RGS18: variants seen among roughly 807,000 people sequenced by gnomAD.
RGS18 encodes regulator of G protein signaling 18.
A neutral mutation model predicts 27.6 loss-of-function variants in RGS18; 22 were observed. The ratio of observed to expected loss-of-function variants is 0.80; its 90% CI spans 0.57 to 1.14. The LOEUF (loss-of-function observed/expected upper bound fraction) is 1.14, where lower values mean the gene tolerates loss of function less well. Among genes scored for constraint, RGS18 ranks in the 50% most tolerant of loss-of-function variants. The pLI, the probability that RGS18 is intolerant of heterozygous loss-of-function variation, is 0.00. For missense variants in RGS18, 299 were observed against 269.6 expected, an observed-to-expected ratio of 1.11 and a Z score of -0.76; for synonymous variants, 89 against 84.6, an observed-to-expected ratio of 1.05 and a Z score of -0.29.
intron 3 of RGS18, among the ~76,000 whole-genome samples, chr1:192,163,869 A>G (rs1445672082): frequency 7.3e-6 from 1 of 137,442 alleles, no homozygotes; most frequent in African/African-American, 2.7e-5. Flanking sequence ...ATATATATAT[A>G]TTTTTTTTTT....
chr1:192,165,155 C>G (rs1362703393), intron 3 of RGS18, among the ~76,000 whole-genome samples: 3 of 152,140 alleles, frequency 2.0e-5, no homozygotes, highest in Non-Finnish European at 4.4e-5. Context: ...AATGGCCGCT[C>G]TGGGAGTGTC....
intron 3 of RGS18, among the ~76,000 whole-genome samples, chr1:192,177,268 T>C (rs1367273760): frequency 1.3e-5 from 2 of 151,686 alleles, no homozygotes; most frequent in Non-Finnish European, 2.9e-5. Context: ...GTGGATTTTT[T>C]TTTTGCTTTT....
rs772536250 is a variant in RGS18 at position 192,184,510 on chromosome 1, A to G, written c.664A>G (p.Asn222Asp). ...GAGACGATCACGCTCATTTACCTGC[A>G]ATGAATTCCAAGATGTACAATCAGA... is the stretch of plus-strand genomic sequence containing the variant. Reference protein sequence around the residue: ...LRRRSRSFTCNEFQDVQSDVA... With the variant: ...LRRRSRSFTCDEFQDVQSDVA... The change falls in exon 5 of 5, where the codon AAT (asparagine) becomes GAT (aspartate). Residue 222 changes from asparagine to aspartate, a missense_variant. Asn to Asp is a conservative substitution (Grantham distance 23, BLOSUM62 1). Transcript: ENST00000367460. 3 of 1,611,580 alleles carry G rather than the reference A, an allele frequency of 1.9e-6. No homozygotes were observed. Among genetic ancestry groups the G allele is most frequent in the South Asian group, 1.1e-5 (1 of 91,026 alleles).
rs952642641 is a variant in RGS18, at chr1:192,158,495, C to T, written c.-143C>T. The T allele has an allele frequency of 1.5e-6, 1 of 664,318 alleles. No homozygotes were observed. Among genetic ancestry groups the T allele is most frequent in the Non-Finnish European group, 2.2e-6 (1 of 453,626 alleles). The allele number at this position is 664,318 out of a possible 1,614,324, so 41.2% of individuals were successfully genotyped here. On this transcript the variant is annotated 5_prime_UTR_variant, in exon 1 of 5. Transcript: ENST00000367460. ...ATTTCTGCAGAGACAGAAAGAAACG[C>T]AGCTCTTGACTTCTTTTTTGTAAAC...
intron 4 of RGS18, among the ~76,000 whole-genome samples, chr1:192,182,683 T>G (rs900420733): frequency 2.6e-5 from 4 of 151,574 alleles, no homozygotes; most frequent in Non-Finnish European, 5.9e-5. Flanking sequence ...TTTTCAGAGC[T>G]ATTTTCATTC....
chr1:192,164,581 G>A (rs928755448), intron 3 of RGS18, among the ~76,000 whole-genome samples: 2 of 152,048 alleles, frequency 1.3e-5, no homozygotes, highest in African/African-American at 2.4e-5. Context: ...TGCAACAAAT[G>A]TCCCATACCA....
intron 3 of RGS18, among the ~76,000 whole-genome samples, chr1:192,173,192 T>TA (rs938538345): frequency 1.3e-5 from 2 of 151,848 alleles, no homozygotes; most frequent in African/African-American, 4.8e-5. Flanking sequence ...TGTAAACATT[T>TA]AAAAAAATGT....
At position 192,185,669 on chromosome 1, in the gene RGS18, G is replaced by A. The variant is rs745926634; in HGVS notation, c.*1115G>A. On this transcript the variant is annotated 3_prime_UTR_variant, in exon 5 of 5. Transcript: ENST00000367460. ...TGTGTTACATGGTCTGTAAATATTTGTATTTAAAAATGCCATGCATTAGGC... is the reference window on the plus strand; with the variant it reads ...TGTGTTACATGGTCTGTAAATATTTATATTTAAAAATGCCATGCATTAGGC... 7 of 151,488 alleles carry A rather than the reference G, an allele frequency of 4.6e-5. No individual in the cohort carries two copies. The highest frequency in any genetic ancestry group is 1.0e-4 in the Non-Finnish European group (7 of 67,684). The allele number at this position is 151,488 out of a possible 1,614,324, so 9.4% of individuals were successfully genotyped here.
chr1:192,171,121 G>A (rs1382930749), intron 3 of RGS18, among the ~76,000 whole-genome samples: 1 of 152,090 alleles, frequency 6.6e-6, no homozygotes, highest in Non-Finnish European at 1.5e-5. Flanking sequence ...CTATATATTT[G>A]TAGGTATTTG....
intron 3 of RGS18, among the ~76,000 whole-genome samples, chr1:192,172,329 C>G (rs749166879): frequency 2.6e-5 from 4 of 151,902 alleles, no homozygotes; most frequent in Admixed American, 6.6e-5. Flanking sequence ...TTCGTTCCCT[C>G]GAGAGTAGGT....
At chr1:192,183,067 T>A (rs564852247) in intron 4 of RGS18, among the ~76,000 whole-genome samples, 97 of 151,736 alleles carry the variant, frequency 6.4e-4, no homozygotes, top group African/African-American at 2.3e-3. Flanking sequence ...ATGACTTGAC[T>A]GCCCTAAAAT....
At chr1:192,180,676 AC>A (rs2102160586) in intron 3 of RGS18, among the ~76,000 whole-genome samples, 1 of 151,750 alleles carries the variant, frequency 6.6e-6, no homozygotes, top group Admixed American at 6.6e-5. Context: ...AACATGACCT[AC>A]CACCTTTTTC....
chr1:192,183,421 A>G (rs774400525), intron 4 of RGS18, among the ~76,000 whole-genome samples: 1 of 151,650 alleles, frequency 6.6e-6, no homozygotes, highest in African/African-American at 2.4e-5. Flanking sequence ...ATTTTTTCCC[A>G]TGACTCAAAT....
rs1656449265 is a variant in RGS18 at position 192,181,379 on chromosome 1, A to G, written c.371A>G (p.Lys124Arg). The G allele has an allele frequency of 1.3e-6, 2 of 1,594,230 alleles. No individual in the cohort carries two copies. Among genetic ancestry groups the G allele is most frequent in the Non-Finnish European group, 1.7e-6 (2 of 1,170,984 alleles). Residue 124 changes from lysine to arginine, a missense_variant, in exon 4 of 5, where the codon AAA (lysine) becomes AGA (arginine). Coordinates refer to ENST00000367460, the MANE Select transcript of RGS18 (RefSeq NM_130782.3). ...EFWIACEDFK[K>R]SKGPQQIHLK... ...TGGATAGCCTGTGAAGATTTCAAGA[A>G]AAGCAAGGGACCTCAACAAATTCAC...
rs138594085 is a variant in RGS18 at position 192,167,113 on chromosome 1, T to C, written c.283+6674T>C. Among the ~76,000 whole-genome samples, 194 of 152,278 alleles carry C rather than the reference T, an allele frequency of 1.3e-3. 2 individuals carry two copies. Among genetic ancestry groups the C allele is most frequent in the African/African-American group, 4.3e-3 (177 of 41,574 alleles). ...ACTCTGAATTGTGGTTCTAAGTAAC[T>C]TCTGAAAACAATTTGTAACATGTAG... is the stretch of plus-strand genomic sequence containing the variant. On this transcript the variant is annotated intron_variant, in intron 3 of 4. Transcript: ENST00000367460.
intron 4 of RGS18, among the ~76,000 whole-genome samples, chr1:192,182,313 G>C (rs1656470339): frequency 6.6e-6 from 1 of 151,464 alleles, no homozygotes; most frequent in African/African-American, 2.4e-5. Context: ...CACCAACAAT[G>C]CATGAGTTTC....
At chr1:192,159,867 A>G (rs909555829) in intron 2 of RGS18, among the ~76,000 whole-genome samples, 2 of 152,010 alleles carry the variant, frequency 1.3e-5, no homozygotes, top group African/African-American at 4.8e-5. Context: ...TCTCTAGAAT[A>G]TTTTTTCTAT....
At chr1:192,164,691 G>A (rs1378086299) in intron 3 of RGS18, among the ~76,000 whole-genome samples, 1 of 151,998 alleles carries the variant, frequency 6.6e-6, no homozygotes, top group African/African-American at 2.4e-5. Context: ...GGGAAGTCAG[G>A]GACCCCGAAA....
chr1:192,160,416 T>C lies in RGS18; in HGVS notation c.260T>C (p.Phe87Ser). 1 of 1,612,258 alleles carries C rather than the reference T, an allele frequency of 6.2e-7. No individual in the cohort carries two copies. The highest frequency in any genetic ancestry group is 8.5e-7 in the Non-Finnish European group (1 of 1,178,510). ...GAGGCAGTGAAATGGGGTGAATCAT[T>C]TGACAAACTGCTTTCCCATAGAGGT... ...PEEAVKWGES[F>S]DKLLSHRDGL... The change falls in exon 3 of 5, where the codon TTT (phenylalanine) becomes TCT (serine). Residue 87 changes from phenylalanine to serine, a missense_variant. Phe to Ser is a radical substitution (Grantham distance 155). Coordinates refer to ENST00000367460, the MANE Select transcript of RGS18 (RefSeq NM_130782.3).
Sources: allele counts gnomAD v4.1 joint callset (sites outside exome capture counted in the v4.1 genomes callset), GRCh38; gene constraint gnomAD v4.1.1; transcripts MANE v1.5; gene names NCBI Gene and HGNC (gene_info 2026-07-23, HGNC 2026-07-21).